The following CLCN5 variants were observed in gnomAD, a reference collection of about 807,000 sequenced individuals.
The protein encoded by CLCN5 is H(+)/Cl(-) exchange transporter 5.
CLCN5 carries 17 observed loss-of-function variants against 54.0 expected under a neutral mutation model. The ratio of observed to expected loss-of-function variants is 0.31; its 90% CI spans 0.22 to 0.47. The LOEUF is 0.47. Ranked by LOEUF, CLCN5 falls within the 20% of genes least tolerant of loss-of-function variation. The pLI is 1.00. For synonymous variants in CLCN5, 222 were observed against 233.0 expected (o/e 0.95, Z 0.43); for missense variants, 448 against 646.7 (o/e 0.69, Z 3.33).
At chrX:50,032,083 T>C (rs2147456475) in intron 3 of CLCN5, among the ~76,000 whole-genome samples, 1 of 110,406 alleles carries the variant, frequency 9.1e-6, no homozygotes, top group South Asian at 3.9e-4. Context: ...TATTCCATGG[T>C]GTATATGTGC....
At chrX:50,059,198 C>A (rs995508747) in intron 4 of CLCN5, among the ~76,000 whole-genome samples, 1 of 112,158 alleles carries the variant, frequency 8.9e-6, no homozygotes, top group Non-Finnish European at 1.9e-5. Context: ...CAAGTTAAAC[C>A]TTTTCACTGA....
At chrX:49,986,519 C>T (rs868963633) in intron 3 of CLCN5, among the ~76,000 whole-genome samples, 55 of 111,511 alleles carry the variant, frequency 4.9e-4, no homozygotes, top group African/African-American at 1.6e-3. Context: ...CTTAGCTGAA[C>T]GTATATAAAG....
chrX:50,017,733 AAAG>A (rs1158287921), intron 3 of CLCN5, among the ~76,000 whole-genome samples: 4 of 111,518 alleles, frequency 3.6e-5, no homozygotes, highest in African/African-American at 1.3e-4. Context: ...CATTTATTGA[AAAG>A]AATATATTTG....
At chrX:49,926,748 T>C (rs959330256) in intron 3 of CLCN5, among the ~76,000 whole-genome samples, 1 of 112,205 alleles carries the variant, frequency 8.9e-6, no homozygotes, top group Admixed American at 9.5e-5. Flanking sequence ...ACAAAGATTC[T>C]AAACAGGGAA....
At chrX:49,960,915 C>T (rs782789985) in intron 3 of CLCN5, among the ~76,000 whole-genome samples, 1 of 111,561 alleles carries the variant, frequency 9.0e-6, no homozygotes, top group South Asian at 3.8e-4. Flanking sequence ...ATCTATACTT[C>T]CTTATCTTTC....
chrX:50,010,376 G>A (rs1349763016), intron 3 of CLCN5, among the ~76,000 whole-genome samples: 2 of 110,368 alleles, frequency 1.8e-5, no homozygotes, highest in African/African-American at 6.6e-5. Flanking sequence ...AAATAGCTGG[G>A]ACCACAGGCT....
chrX:49,981,309 C>G (rs1928717939), intron 3 of CLCN5, among the ~76,000 whole-genome samples: 2 of 111,896 alleles, frequency 1.8e-5, no homozygotes, highest in South Asian at 7.4e-4. Flanking sequence ...TCCCACACAG[C>G]TGAAGTTGCT....
intron 3 of CLCN5, among the ~76,000 whole-genome samples, chrX:49,992,090 T>G (rs2040529602): frequency 1.8e-5 from 2 of 111,268 alleles, no homozygotes; most frequent in Non-Finnish European, 3.8e-5. Context: ...TGAATTATAT[T>G]TAGTTGTGGT....
At chrX:49,967,412 C>T (rs1325216975) in intron 3 of CLCN5, among the ~76,000 whole-genome samples, 1 of 79,532 alleles carries the variant, frequency 1.3e-5, no homozygotes, top group Admixed American at 1.3e-4. Flanking sequence ...GCATAAATGT[C>T]TTCTTTTGAG....
intron 3 of CLCN5, among the ~76,000 whole-genome samples, chrX:49,970,896 A>G (rs1928173505): frequency 9.0e-6 from 1 of 111,384 alleles, no homozygotes; most frequent in South Asian, 3.7e-4. Context: ...TGAAGGTTCC[A>G]GTTTCTCTGT....
intron 3 of CLCN5, among the ~76,000 whole-genome samples, chrX:49,961,270 C>T (rs1282162642): frequency 8.9e-6 from 1 of 112,345 alleles, no homozygotes; most frequent in Non-Finnish European, 1.9e-5. Context: ...GGAAGTGCTA[C>T]CTTTTTATTA....
intron 3 of CLCN5, chrX:50,003,292 G>A (rs1382864434): frequency 2.8e-6 from 1 of 359,195 alleles, no homozygotes; most frequent in African/African-American, 2.6e-5. Flanking sequence ...ACACCAAAGG[G>A]AGGTAGACCC....
At chrX:50,005,060 A>G (rs1930086965) in intron 3 of CLCN5, among the ~76,000 whole-genome samples, 1 of 112,173 alleles carries the variant, frequency 8.9e-6, no homozygotes, top group Admixed American at 9.4e-5. Flanking sequence ...CCTTTGAATT[A>G]TATCTTTCCC....
rs377008622 is a variant in CLCN5 at position 49,990,949 on chromosome X, A to G, written c.17-51367A>G. Among the ~76,000 whole-genome samples, 23 of 111,977 alleles carry G rather than the reference A, an allele frequency of 2.1e-4. No individual in the cohort carries two copies. In the East Asian group the frequency reaches 3.1e-3, roughly 15 times the overall value. ...TGTATATGCCACATTTTCTTTATCC[A>G]CTTGTTGATGGATGGGCATTTGGGC... is the stretch of plus-strand genomic sequence containing the variant. On this transcript the variant is annotated intron_variant, in intron 3 of 14. Coordinates refer to ENST00000376091, the MANE Select transcript of CLCN5 (RefSeq NM_001127898.4).
At chrX:49,977,554 G>T (rs1021391970) in intron 3 of CLCN5, among the ~76,000 whole-genome samples, 12 of 111,508 alleles carry the variant, frequency 1.1e-4, no homozygotes, top group African/African-American at 3.6e-4. Context: ...TGACACAGTT[G>T]CCATATGTTG....
At chrX:49,994,404 A>C (rs782446236) in intron 3 of CLCN5, among the ~76,000 whole-genome samples, 3 of 110,796 alleles carry the variant, frequency 2.7e-5, no homozygotes, top group African/African-American at 9.9e-5. Flanking sequence ...AGTGGCAACA[A>C]ATATTGAAGG....
chrX:50,082,187 G>T (rs1220912407), intron 9 of CLCN5, among the ~76,000 whole-genome samples: 1 of 111,827 alleles, frequency 8.9e-6, no homozygotes, highest in Non-Finnish European at 1.9e-5. Flanking sequence ...TTCTGGCTAT[G>T]AAACACCATT....
rs782074468 is a variant in CLCN5 at position 50,047,866 on chromosome X, T to A, written c.163+5404T>A. 2.7e-5 allele frequency among the ~76,000 whole-genome samples: 3 copies of A among 112,187 alleles called. No homozygotes were observed. The East Asian group carries it at 8.4e-4, about 32-fold the overall frequency. ...GGAGTGTCTTTCTCATTATGTCTTA[T>A]TAAGGAGCACATACTATCAATATGA... On this transcript the variant is annotated intron_variant, in intron 4 of 14. Transcript: ENST00000376091.
intron 4 of CLCN5, among the ~76,000 whole-genome samples, chrX:50,056,233 G>C (rs941162908): frequency 9.0e-6 from 1 of 110,658 alleles, no homozygotes; most frequent in African/African-American, 3.3e-5. Context: ...AACCAATGTA[G>C]ACTTAGGACA....
Sources: gnomAD v4.1 joint callset for allele counts (sites outside exome capture counted in the v4.1 genomes callset) on GRCh38, gnomAD v4.1.1 for gene constraint, MANE v1.5 for transcripts, NCBI Gene and HGNC (gene_info 2026-07-23, HGNC 2026-07-21) for gene names.